REXO1: variants seen among roughly 807,000 people sequenced by gnomAD.
The protein encoded by REXO1 is REX1, RNA exonuclease 1 homolog.
REXO1 carries 42 observed loss-of-function variants against 102.6 expected under a neutral mutation model. The observed-to-expected ratio is 0.41, with a 90% CI of 0.32 to 0.53. The LOEUF is 0.53. Among genes scored for constraint, REXO1 ranks in the 20% least tolerant of loss-of-function variants. The pLI, the probability that REXO1 is intolerant of heterozygous loss-of-function variation, is 0.27. For synonymous variants in REXO1, 908 were observed against 779.1 expected (o/e 1.17, Z -2.76); for missense variants, 1,819 against 1,732.5 (o/e 1.05, Z -0.89).
At position 1,816,057 on chromosome 19, in the gene REXO1, G is replaced by A. The variant is rs567134814; in HGVS notation, c.*9C>T. On this transcript the variant is annotated 3_prime_UTR_variant, in exon 16 of 16. Transcript: ENST00000170168. Reference sequence around the variant, plus strand: ...ACGGCAGGAGAGGCGGGTGGGAGGCGGGCAGGCGTCATCGCTTGGTCTTGG... The same window carrying A: ...ACGGCAGGAGAGGCGGGTGGGAGGCAGGCAGGCGTCATCGCTTGGTCTTGG... 3.4e-5 allele frequency: 52 copies of A among 1,540,596 alleles called. No individual in the cohort carries two copies. Among genetic ancestry groups the A allele is most frequent in the Admixed American group, 2.0e-4 (10 of 51,004 alleles).
At chr19:1,834,701 G>T (rs1018922809) in intron 1 of REXO1, among the ~76,000 whole-genome samples, 1 of 152,190 alleles carries the variant, frequency 6.6e-6, no homozygotes, top group African/African-American at 2.4e-5. Context: ...TCTTTTAAGG[G>T]CTGTGAAACC....
Position 1,827,023 on chromosome 19 carries a change from G to A in REXO1, c.1766C>T (p.Ser589Phe). Reference protein sequence around the residue: ...APSSSSSSSSSTSSAGADVDY... With the variant: ...APSSSSSSSSFTSSAGADVDY... ...CACATCCGCCCCCGCGCTGGAGGTG[G>A]AGGAGGAGGAGGAGGAGGAGGAGGA... Residue 589 changes from serine to phenylalanine, a missense_variant, in exon 2 of 16, where the codon TCC becomes TTC. Coordinates refer to ENST00000170168, the MANE Select transcript of REXO1 (RefSeq NM_020695.4). The A allele has an allele frequency of 1.2e-6, 1 of 813,790 alleles. No homozygotes were observed. The highest frequency in any genetic ancestry group is 1.6e-6 in the Non-Finnish European group (1 of 608,606). 50.4% of individuals were successfully genotyped at this position (813,790 alleles called of 1,614,324 possible).
At chr19:1,833,284 G>C (rs1319044408) in intron 1 of REXO1, among the ~76,000 whole-genome samples, 2 of 152,178 alleles carry the variant, frequency 1.3e-5, no homozygotes, top group Non-Finnish European at 2.9e-5. Context: ...GTCTGTTTTG[G>C]ACCACTCGGA....
At position 1,828,423 on chromosome 19, in the gene REXO1, G is replaced by A. The variant is rs370365463; in HGVS notation, c.366C>T (p.Ala122=). 2.6e-5 allele frequency: 42 copies of A among 1,608,278 alleles called. No homozygotes were observed. In the East Asian group the frequency reaches 4.2e-4, roughly 16 times the overall value. Residue 122 remains alanine, a synonymous_variant, in exon 2 of 16, where the codon GCC becomes GCT. Transcript: ENST00000170168. The part of the protein sequence containing the change: ...LLETTREHRS[A]EAPALAPRGP... ...CGCGGGGCGCCAGGGCGGGGGCCTC[G>A]GCGGAGCGGTGCTCACGGGTCGTCT... is the stretch of plus-strand genomic sequence containing the variant.
At position 1,828,460 on chromosome 19, in the gene REXO1, C is replaced by A. The variant is rs146304890; in HGVS notation, c.329G>T (p.Arg110Leu). 5.6e-6 allele frequency: 9 copies of A among 1,607,244 alleles called. No homozygotes were observed. The highest frequency in any genetic ancestry group is 3.3e-5 in the Admixed American group (2 of 59,940). Reference protein sequence around the residue: ...SEVELEQRRYRELLETTREHR... With the variant: ...SEVELEQRRYLELLETTREHR... ...CTCACGGGTCGTCTCCAGCAGCTCC[C>A]GGTAGCGCCGCTGCTCCAGCTCCAC... The change falls in exon 2 of 16, where the codon CGG becomes CTG. Residue 110 changes from arginine (R) to leucine (L), a missense_variant. By Grantham distance (102) the Arg-to-Leu change is moderately radical. Transcript: ENST00000170168.
rs200846242 is a variant in REXO1, at chr19:1,820,420, T to C, written c.2395-25A>G. 3.3e-5 allele frequency: 53 copies of C among 1,610,778 alleles called. No homozygotes were observed. In the East Asian group the frequency reaches 9.6e-4, roughly 29 times the overall value. On this transcript the variant is annotated intron_variant, in intron 5 of 15. Transcript: ENST00000170168. ...TCTAGAGGGAAGGCAAAAGCTGCCA[T>C]GGGTGAGGGCCTCCACAAGGCCTCC...
rs972217593 is a variant in REXO1, at chr19:1,820,026, C to T, written c.2558G>A (p.Arg853His). The change falls in exon 7 of 16, where the codon CGC becomes CAC. Residue 853 changes from arginine to histidine, a missense_variant. By Grantham distance (29) the Arg-to-His change is conservative. Transcript: ENST00000170168. Reference protein sequence around the residue: ...ALNEEKVAYDRSPSKNIYLNV... With the variant: ...ALNEEKVAYDHSPSKNIYLNV... ...CAGGTAGATGTTCTTGCTGGGGCTG[C>T]GGTCATAGGCCACCTTCTCCTCGTT... The T allele has an allele frequency of 1.2e-5, 20 of 1,602,880 alleles. No homozygotes were observed. Among genetic ancestry groups the T allele is most frequent in the Middle Eastern group, 1.7e-4 (1 of 6,030 alleles).
intron 1 of REXO1, among the ~76,000 whole-genome samples, chr19:1,834,600 G>A (rs2069989496): frequency 6.6e-6 from 1 of 152,108 alleles, no homozygotes; most frequent in Non-Finnish European, 1.5e-5. Flanking sequence ...TTTTTTGGTA[G>A]AGACGGGGGT....
intron 1 of REXO1, among the ~76,000 whole-genome samples, chr19:1,835,673 C>T (rs1418639323): frequency 1.3e-5 from 2 of 152,110 alleles, no homozygotes; most frequent in African/African-American, 2.4e-5. Flanking sequence ...TGGGCTCCTT[C>T]CTGGATGTGG....
At chr19:1,817,131 C>G in intron 12 of REXO1, 88 bp downstream of exon 12, 2 of 827,360 alleles carry the variant, frequency 2.4e-6, no homozygotes, top group East Asian at 5.9e-5. Flanking sequence ...GCCGGTGAGC[C>G]AGGCCCAGAT....
intron 1 of REXO1, among the ~76,000 whole-genome samples, chr19:1,831,360 C>T (rs989344973): frequency 6.6e-6 from 1 of 152,172 alleles, no homozygotes; most frequent in Non-Finnish European, 1.5e-5. Flanking sequence ...GCCTGCCCTT[C>T]GGCCCACCTG....
Position 1,826,631 on chromosome 19 carries a change from G to A in REXO1, c.1911+247C>T, listed in dbSNP as rs1041871008. 5.5e-4 allele frequency among the ~76,000 whole-genome samples: 84 copies of A among 152,186 alleles called. 1 individual carries two copies. The highest frequency in any genetic ancestry group is 9.9e-4 in the Non-Finnish European group (67 of 67,970). ...AGTGGGAACAGACCGTGTGCACGTG[G>A]CCACAGAAGCCTGGCTGGTGGCCAC... On this transcript the variant is annotated intron_variant, in intron 2 of 15. Coordinates refer to ENST00000170168, the MANE Select transcript of REXO1 (RefSeq NM_020695.4). This position sits in a 1 kb window ranked among gnomAD's most constrained non-coding sequence, Gnocchi z 4.3.
Position 1,838,734 on chromosome 19 carries a change from C to T in REXO1, c.157+9468G>A, listed in dbSNP as rs921578372. Among the ~76,000 whole-genome samples, 5 of 151,954 alleles carry T rather than the reference C, an allele frequency of 3.3e-5. No homozygotes were observed. In the South Asian group the frequency reaches 6.2e-4, roughly 19 times the overall value. ...ACAAGAACCGGCAGGGAGGAGCCAG[C>T]GGGACCTTCTCCCCCTATGCCTCTC... On this transcript the variant is annotated intron_variant, in intron 1 of 15. Coordinates refer to ENST00000170168, the MANE Select transcript of REXO1 (RefSeq NM_020695.4).
intron 4 of REXO1, chr19:1,822,176 G>T: frequency 3.1e-6 from 1 of 322,390 alleles, no homozygotes; most frequent in African/African-American, 2.2e-5. Context: ...ACCTGGGCAT[G>T]TACGTCTGTG....
chr19:1,815,254 CCATA>C lies in REXO1; in HGVS notation c.*808_*811del, dbSNP rs2069328201. 1 of 152,534 alleles carries C rather than the reference CCATA, an allele frequency of 6.6e-6. No homozygotes were observed. Among genetic ancestry groups the C allele is most frequent in the Non-Finnish European group, 1.5e-5 (1 of 68,274 alleles). The allele number at this position is 152,534 out of a possible 1,614,324, so 9.4% of individuals were successfully genotyped here. ...CCAAGACCACCACAAAATCTAAAAT[CCATA>C]CAAACATTTATTCTGTCCCTGCCTG... On this transcript the variant is annotated 3_prime_UTR_variant, in exon 16 of 16. Coordinates refer to ENST00000170168, the MANE Select transcript of REXO1 (RefSeq NM_020695.4). The surrounding 1 kb of genome is among the most constrained non-coding windows in gnomAD (Gnocchi z 4.0).
chr19:1,816,406 C>CG, intron 14 of REXO1, 25 bp downstream of exon 14: 2 of 1,605,770 alleles, frequency 1.2e-6, no homozygotes, highest in South Asian at 2.2e-5. Context: ...TGGAGAACCG[C>CG]GCGGGACCCG....
chr19:1,841,026 G>A (rs1599170580), intron 1 of REXO1, among the ~76,000 whole-genome samples: 1 of 152,342 alleles, frequency 6.6e-6, no homozygotes, highest in East Asian at 1.9e-4. Flanking sequence ...CGTCCTCGCA[G>A]CCGTTCCCAA....
chr19:1,825,578 C>T (rs1223415500), intron 3 of REXO1, among the ~76,000 whole-genome samples: 1 of 151,800 alleles, frequency 6.6e-6, no homozygotes, highest in Non-Finnish European at 1.5e-5. Flanking sequence ...TGAGTTCAAG[C>T]GATTCTCCTG....
intron 1 of REXO1, 101 bp from the exon 2 acceptor site, chr19:1,828,732 G>C: frequency 7.1e-7 from 1 of 1,401,412 alleles, no homozygotes; most frequent in African/African-American, 1.4e-5. Context: ...GAAGAGACCT[G>C]CCTCCGAAAC....
Sources: allele counts gnomAD v4.1 joint callset (sites outside exome capture counted in the v4.1 genomes callset), GRCh38; gene constraint gnomAD v4.1.1; non-coding constraint Gnocchi (gnomAD v3.1); transcripts MANE v1.5; gene names NCBI Gene and HGNC (gene_info 2026-07-23, HGNC 2026-07-21).